The following MRC1 variants were observed in gnomAD, a reference collection of about 807,000 sequenced individuals.
The protein encoded by MRC1 is mannose receptor C-type 1.
In MRC1, 62 loss-of-function variants were observed where a neutral mutation model predicts 102.9. That is an observed-to-expected ratio of 0.60 (90% CI 0.49 to 0.74). The LOEUF is 0.74. MRC1 is among the 30% of genes least tolerant of loss of function. The probability of loss-of-function intolerance (pLI) is 0.00; values close to 1 mark genes in which losing one functional copy is unlikely to be tolerated. For missense variants in MRC1, 1,237 were observed against 862.8 expected (o/e 1.43, Z -5.43); for synonymous variants, 457 against 298.4 (o/e 1.53, Z -5.48).
intron 7 of MRC1, among the ~76,000 whole-genome samples, chr10:17,852,226 A>C (rs1589178377): frequency 1.3e-5 from 2 of 152,236 alleles, no homozygotes; most frequent in Non-Finnish European, 1.5e-5. Context: ...TCAAAACAAA[A>C]TGATCATGTT....
chr10:17,863,874 T>C (rs1833223191), intron 11 of MRC1, among the ~76,000 whole-genome samples, 192 bp downstream of exon 11: 10 of 152,210 alleles, frequency 6.6e-5, no homozygotes. Flanking sequence ...CCCAATAGGT[T>C]TAGTGTTCTA....
At chr10:17,836,611 G>T (rs1838667588) in intron 4 of MRC1, among the ~76,000 whole-genome samples, 1 of 152,090 alleles carries the variant, frequency 6.6e-6, no homozygotes, top group African/African-American at 2.4e-5. Flanking sequence ...GAGGTGGGTG[G>T]ATCACCTGAG....
chr10:17,875,119 A>G lies in MRC1; in HGVS notation c.2416A>G (p.Ile806Val). Reference sequence around the variant, plus strand: ...ACCAGTTACTGAAGATGGGTGGGTTATTTACAAAGACTACCAGTATTATTT... The same window carrying G: ...ACCAGTTACTGAAGATGGGTGGGTTGTTTACAAAGACTACCAGTATTATTT... Reference protein sequence around the residue: ...NPPVTEDGWVIYKDYQYYFSK... With the variant: ...NPPVTEDGWVVYKDYQYYFSK... Residue 806 changes from isoleucine to valine, a missense_variant, in exon 17 of 30, where the codon ATT (isoleucine) becomes GTT (valine). Coordinates refer to ENST00000569591, the MANE Select transcript of MRC1 (RefSeq NM_002438.4). 1.3e-6 allele frequency: 1 copy of G among 780,830 alleles called. No homozygotes were observed. Among genetic ancestry groups the G allele is most frequent in the South Asian group, 1.3e-5 (1 of 74,612 alleles). The allele number at this position is 780,830 out of a possible 1,614,324, so 48.4% of individuals were successfully genotyped here.
chr10:17,823,027 C>A (rs1296309953), intron 1 of MRC1, 47 bp from the exon 2 acceptor site: 1 of 777,796 alleles, frequency 1.3e-6, no homozygotes, highest in Non-Finnish European at 2.4e-6. Flanking sequence ...ATCCACTTAG[C>A]CATGCTTGCT....
At chr10:17,904,223 T>C (rs1023297758) in intron 26 of MRC1, among the ~76,000 whole-genome samples, 15 of 152,222 alleles carry the variant, frequency 9.9e-5, no homozygotes, top group African/African-American at 3.4e-4. Context: ...GTTTCCTTTA[T>C]TGATGCTCTT....
chr10:17,903,144 C>T (rs1283245339), intron 26 of MRC1, among the ~76,000 whole-genome samples: 1 of 152,030 alleles, frequency 6.6e-6, no homozygotes, highest in Non-Finnish European at 1.5e-5. Flanking sequence ...CTTTTTTAGA[C>T]AGCACATAGT....
chr10:17,868,082 A>G (rs1833302706), intron 12 of MRC1, among the ~76,000 whole-genome samples: 1 of 152,206 alleles, frequency 6.6e-6, no homozygotes, highest in African/African-American at 2.4e-5. Context: ...CCAGAAAATA[A>G]CAAACAAAAA....
At chr10:17,827,412 A>AAAAAAAAACC in intron 2 of MRC1, 130 bp from the exon 3 acceptor site, 1 of 366,278 alleles carries the variant, frequency 2.7e-6, no homozygotes, top group East Asian at 5.5e-5. Flanking sequence ...AAAAAAAAAG[A>AAAAAAAAACC]AATCCCTCTG....
chr10:17,835,309 C>A (rs1307433533), intron 4 of MRC1, among the ~76,000 whole-genome samples: 1 of 152,192 alleles, frequency 6.6e-6, no homozygotes, highest in Non-Finnish European at 1.5e-5. Flanking sequence ...ACTATAAATA[C>A]ATTAATTTGT....
At chr10:17,889,222 G>C (rs1272089032) in intron 22 of MRC1, among the ~76,000 whole-genome samples, 1 of 152,038 alleles carries the variant, frequency 6.6e-6, no homozygotes, top group Non-Finnish European at 1.5e-5. Flanking sequence ...TGTGTAGTTA[G>C]ACCATTAACA....
chr10:17,898,054 C>T lies in MRC1; in HGVS notation c.3271C>T (p.Pro1091Ser). 1 of 780,828 alleles carries T rather than the reference C, an allele frequency of 1.3e-6. No individual in the cohort carries two copies. The highest frequency in any genetic ancestry group is 2.4e-6 in the Non-Finnish European group (1 of 417,956). The allele number at this position is 780,828 out of a possible 1,614,324, so 48.4% of individuals were successfully genotyped here. Reference protein sequence around the residue: ...TRSDPSLTNPPATIQTDGFVK... With the variant: ...TRSDPSLTNPSATIQTDGFVK... ...TCTAGACCCTTCCTTGACTAATCCT[C>T]CAGCAACGATTCAAACAGATGGCTT... Residue 1091 changes from proline (P) to serine (S), a missense_variant, in exon 24 of 30, where the codon CCA becomes TCA. By Grantham distance (74) the Pro-to-Ser change is moderately conservative (BLOSUM62 -1). Coordinates refer to ENST00000569591, the MANE Select transcript of MRC1 (RefSeq NM_002438.4).
chr10:17,899,183 G>A (rs1833796485), intron 24 of MRC1, among the ~76,000 whole-genome samples: 1 of 152,098 alleles, frequency 6.6e-6, no homozygotes, highest in South Asian at 2.1e-4. Flanking sequence ...ATGATGCAGA[G>A]ATAGAAATTT....
intron 6 of MRC1, among the ~76,000 whole-genome samples, chr10:17,847,821 A>ACT (rs542661992): frequency 0.83 from 126,532 of 152,084 alleles, 52,874 homozygotes; most frequent in East Asian, 1. Flanking sequence ...TTTTTGAAGG[A>ACT]CAGCATTGGC....
At chr10:17,822,132 G>A (rs1033457857) in intron 1 of MRC1, among the ~76,000 whole-genome samples, 8 of 152,142 alleles carry the variant, frequency 5.3e-5, no homozygotes, top group African/African-American at 1.9e-4. Flanking sequence ...GTGCTGTTAA[G>A]TATAAGCCAT....
chr10:17,901,173 G>A (rs1304570150), intron 25 of MRC1, among the ~76,000 whole-genome samples: 4 of 152,090 alleles, frequency 2.6e-5, no homozygotes, highest in African/African-American at 9.7e-5. Context: ...TACTTTTGAT[G>A]TTGACAACAC....
Position 17,861,518 on chromosome 10 carries a change from A to G in MRC1, c.1634+16A>G. ...TTGAAGACAGGTATGTAACTATTTT[A>G]ATTTCATTTTAAAATATGTCAAATA... On this transcript the variant is annotated intron_variant, in intron 10 of 29. Coordinates refer to ENST00000569591, the MANE Select transcript of MRC1 (RefSeq NM_002438.4). 1.2e-6 allele frequency: 1 copy of G among 857,016 alleles called. No individual in the cohort carries two copies. The allele number at this position is 857,016 out of a possible 1,614,324, so 53.1% of individuals were successfully genotyped here.
Position 17,867,622 on chromosome 10 carries a change from T to C in MRC1, c.1983+861T>C, listed in dbSNP as rs994717618. ...ATTTTATGTAAAGATGGGGTCTCAC[T>C]ATGTTGCCCAGGCTAGTCTCAAACT... On this transcript the variant is annotated intron_variant, in intron 12 of 29. Coordinates refer to ENST00000569591, the MANE Select transcript of MRC1 (RefSeq NM_002438.4). Among the ~76,000 whole-genome samples the C allele has an allele frequency of 3.3e-5, 5 of 152,216 alleles. No homozygotes were observed. In the South Asian group the frequency reaches 1.0e-3, roughly 32 times the overall value.
chr10:17,859,364 C>T (rs1833144630), intron 9 of MRC1, among the ~76,000 whole-genome samples: 1 of 152,144 alleles, frequency 6.6e-6, no homozygotes, highest in African/African-American at 2.4e-5. Context: ...GTTGCCCAGG[C>T]TGGCATGCAG....
chr10:17,826,933 G>T (rs914028122), intron 2 of MRC1, among the ~76,000 whole-genome samples: 1 of 152,182 alleles, frequency 6.6e-6, no homozygotes, highest in African/African-American at 2.4e-5. Flanking sequence ...TCAGGTGAAG[G>T]CTGGCTTGAC....
Sources: allele counts gnomAD v4.1 joint callset (sites outside exome capture counted in the v4.1 genomes callset), GRCh38; gene constraint gnomAD v4.1.1; transcripts MANE v1.5; gene names NCBI Gene and HGNC (gene_info 2026-07-23, HGNC 2026-07-21).